The following CACNA1C variants were observed in gnomAD, a reference collection of about 807,000 sequenced individuals.
The protein encoded by CACNA1C is calcium voltage-gated channel subunit alpha1 C.
CACNA1C carries 30 observed loss-of-function variants against 229.0 expected under a neutral mutation model. The ratio of observed to expected loss-of-function variants is 0.13; its 90% CI spans 0.10 to 0.18. The LOEUF (loss-of-function observed/expected upper bound fraction) is 0.18. Ranked by LOEUF, CACNA1C falls within the 10% of genes least tolerant of loss-of-function variation. CACNA1C has a pLI of 1.00. For synonymous variants in CACNA1C, 1,114 were observed against 1,132.5 expected (o/e 0.98, Z 0.33); for missense variants, 1,658 against 2,845.0 (o/e 0.58, Z 9.49).
chr12:2,016,451 CG>C (rs1481321123), intron 1 of CACNA1C, among the ~76,000 whole-genome samples: 1 of 151,092 alleles, frequency 6.6e-6, no homozygotes, highest in East Asian at 1.9e-4. Context: ...TTTTTTGAGA[CG>C]AAGTTTTACT....
chr12:2,669,422 A>T (rs2096430890), intron 38 of CACNA1C, among the ~76,000 whole-genome samples: 1 of 152,166 alleles, frequency 6.6e-6, no homozygotes, highest in African/African-American at 2.4e-5. Flanking sequence ...CCTGGGCCGC[A>T]TGTGGCCCAT....
At position 2,493,671 on chromosome 12, in the gene CACNA1C, G is replaced by A. The variant is rs1016667943; in HGVS notation, c.1113+285G>A. Among the ~76,000 whole-genome samples the A allele has an allele frequency of 5.3e-5, 8 of 152,148 alleles. No homozygotes were observed. The highest frequency in any genetic ancestry group is 1.9e-4 in the African/African-American group (8 of 41,428). Reference sequence around the variant, plus strand: ...CCTGGTGTGCAGGCATGGATGAGCTGGCCAGGCTGGCACAAGGGTTCCGTT... The same window carrying A: ...CCTGGTGTGCAGGCATGGATGAGCTAGCCAGGCTGGCACAAGGGTTCCGTT... On this transcript the variant is annotated intron_variant, in intron 7 of 46. Transcript: ENST00000399655. This position sits in a 1 kb window ranked among gnomAD's most constrained non-coding sequence, Gnocchi z 4.6.
chr12:2,421,473 A>G (rs542200441), intron 3 of CACNA1C, among the ~76,000 whole-genome samples: 1 of 152,332 alleles, frequency 6.6e-6, no homozygotes, highest in African/African-American at 2.4e-5. Context: ...GTTATCTGAG[A>G]GGAACATCCC....
Position 2,559,478 on chromosome 12 carries a change from T to G in CACNA1C, c.1508+2501T>G, listed in dbSNP as rs182473381. On this transcript the variant is annotated intron_variant, in intron 11 of 46. Transcript: ENST00000399655. Reference sequence around the variant, plus strand: ...GGAGTCTCCCTCGGCCCTGAGGCTTTGCTATGTGCTGGCCATTCAGCCCTG... The same window carrying G: ...GGAGTCTCCCTCGGCCCTGAGGCTTGGCTATGTGCTGGCCATTCAGCCCTG... Among the ~76,000 whole-genome samples the G allele has an allele frequency of 3.9e-3, 591 of 152,360 alleles. 3 individuals are homozygous for G. The highest frequency in any genetic ancestry group is 0.014 in the African/African-American group (563 of 41,590).
At chr12:2,460,956 G>A (rs149538991) in intron 5 of CACNA1C, among the ~76,000 whole-genome samples, 1 of 152,252 alleles carries the variant, frequency 6.6e-6, no homozygotes, top group East Asian at 1.9e-4. Context: ...CAGTGTGGTT[G>A]GTGTCATCTA....
chr12:2,583,901 A>G (rs2061482630), intron 15 of CACNA1C, among the ~76,000 whole-genome samples: 1 of 152,138 alleles, frequency 6.6e-6, no homozygotes, highest in East Asian at 1.9e-4. Flanking sequence ...CACAGACTTA[A>G]AGCCCCCTTC....
In CACNA1C at chr12:2,493,432, G is replaced by T. The variant is rs370205875; in HGVS notation, c.1113+46G>T. 1.0e-5 allele frequency: 15 copies of T among 1,462,212 alleles called. No individual in the cohort carries two copies. The Admixed American group carries it at 2.5e-4, about 25-fold the overall frequency. The allele number at this position is 1,462,212 out of a possible 1,614,324, so 90.6% of individuals were successfully genotyped here. On this transcript the variant is annotated intron_variant, in intron 7 of 46. Transcript: ENST00000399655. This position sits in a 1 kb window ranked among gnomAD's most constrained non-coding sequence, Gnocchi z 4.6. The stretch of plus-strand genomic sequence containing the variant: ...GTCAGAGGGTGGGGGAACAGCGGCC[G>T]TGAACCCTTCCCTGACACCTCCCTT...
At chr12:2,542,633 C>G (rs967314009) in intron 9 of CACNA1C, among the ~76,000 whole-genome samples, 2 of 152,188 alleles carry the variant, frequency 1.3e-5, no homozygotes, top group African/African-American at 4.8e-5. Context: ...TAGCACTCCT[C>G]CCCTAGCACA....
chr12:2,451,698 C>T lies in CACNA1C; in HGVS notation c.617+2583C>T, dbSNP rs540167339. Among the ~76,000 whole-genome samples the T allele has an allele frequency of 6.0e-4, 91 of 152,332 alleles. 2 individuals are homozygous for T. In the South Asian group the frequency reaches 0.018, roughly 30 times the overall value. On this transcript the variant is annotated intron_variant, in intron 4 of 46. Coordinates refer to ENST00000399655, the MANE Select transcript of CACNA1C (RefSeq NM_000719.7). The stretch of plus-strand genomic sequence containing the variant: ...ACCCGCTTCATCCCTTAGACTCCTC[C>T]ACACAACCACAAGGGGCCAGGCTTT...
chr12:2,526,413 G>T (rs1169445435), intron 9 of CACNA1C, among the ~76,000 whole-genome samples: 2 of 152,228 alleles, frequency 1.3e-5, no homozygotes, highest in Non-Finnish European at 2.9e-5. Context: ...ATATGAGCAG[G>T]TTTCAACACT....
rs367678446 is a variant in CACNA1C, at chr12:2,035,972, C to T, written c.139+64771C>T. Reference sequence around the variant, plus strand: ...TTCTGCTTCAGGGGAGGAGAGGATTCTGGTGCTAATTTTGCGGTCTTGTGA... The same window carrying T: ...TTCTGCTTCAGGGGAGGAGAGGATTTTGGTGCTAATTTTGCGGTCTTGTGA... On this transcript the variant is annotated intron_variant, in intron 1 of 46. Coordinates refer to the CACNA1C transcript ENST00000682462. Among the ~76,000 whole-genome samples, 4 of 152,248 alleles carry T rather than the reference C, an allele frequency of 2.6e-5. No individual in the cohort carries two copies. In the East Asian group the frequency reaches 5.8e-4, roughly 22 times the overall value.
chr12:2,563,993 C>T (rs534727411), intron 11 of CACNA1C, among the ~76,000 whole-genome samples: 3 of 152,272 alleles, frequency 2.0e-5, no homozygotes, highest in East Asian at 1.9e-4. Context: ...CAGGAGGTGA[C>T]GCTGAGGCTT....
intron 9 of CACNA1C, among the ~76,000 whole-genome samples, chr12:2,546,591 G>A (rs993166779): frequency 9.2e-5 from 14 of 151,996 alleles, no homozygotes; most frequent in Admixed American, 2.6e-4. Context: ...GTGCTCTCCC[G>A]TGCAGTGGCT....
intron 29 of CACNA1C, among the ~76,000 whole-genome samples, chr12:2,626,799 G>A (rs1009652078): frequency 6.6e-6 from 1 of 152,196 alleles, no homozygotes; most frequent in Non-Finnish European, 1.5e-5. Flanking sequence ...TCTCAGTGGG[G>A]AAGATGGCAG....
At chr12:2,290,395 G>A (rs758151562) in intron 3 of CACNA1C, among the ~76,000 whole-genome samples, 5 of 152,184 alleles carry the variant, frequency 3.3e-5, no homozygotes, top group Non-Finnish European at 7.4e-5. Flanking sequence ...CTCCCTCTGG[G>A]CAGCCCTGCA....
intron 30 of CACNA1C, among the ~76,000 whole-genome samples, chr12:2,645,607 G>A (rs74057312): frequency 0.03 from 4,602 of 152,296 alleles, 254 homozygotes; most frequent in African/African-American, 0.1. Context: ...TAAGGATGAC[G>A]TGGGATCATG....
chr12:2,257,944 T>C (rs1412776516), intron 3 of CACNA1C, among the ~76,000 whole-genome samples: 1 of 152,154 alleles, frequency 6.6e-6, no homozygotes, highest in Admixed American at 6.5e-5. Context: ...AAGTGAATGC[T>C]ACACTCTCAA....
intron 3 of CACNA1C, among the ~76,000 whole-genome samples, chr12:2,191,895 C>A (rs567554548): frequency 1.3e-5 from 2 of 150,644 alleles, no homozygotes; most frequent in Non-Finnish European, 2.9e-5. Flanking sequence ...CACACAGGCA[C>A]ACACATGCAC....
At chr12:2,316,419 T>C (rs148414411) in intron 3 of CACNA1C, among the ~76,000 whole-genome samples, 2 of 152,200 alleles carry the variant, frequency 1.3e-5, no homozygotes, top group Admixed American at 1.3e-4. Flanking sequence ...CTTTTTGTTA[T>C]TGGAGAAAAC....
Sources: allele counts gnomAD v4.1 joint callset (sites outside exome capture counted in the v4.1 genomes callset), GRCh38; gene constraint gnomAD v4.1.1; non-coding constraint Gnocchi (gnomAD v3.1); transcripts MANE v1.5; gene names NCBI Gene and HGNC (gene_info 2026-07-23, HGNC 2026-07-21).